The following ARHGAP45 variants were observed in gnomAD, a reference collection of about 807,000 sequenced individuals.
ARHGAP45 encodes the protein rho GTPase-activating protein 45.
In ARHGAP45, 56 loss-of-function variants were observed where a neutral mutation model predicts 116.1. The ratio of observed to expected loss-of-function variants is 0.48; its 90% CI spans 0.39 to 0.60. The LOEUF is 0.60. Ranked by LOEUF, ARHGAP45 falls within the 20% of genes least tolerant of loss-of-function variation. The pLI is 0.00. For missense variants in ARHGAP45, 1,622 were observed against 1,601.0 expected (o/e 1.01, Z -0.22); for synonymous variants, 866 against 701.7 (o/e 1.23, Z -3.70).
intron 2 of ARHGAP45, among the ~76,000 whole-genome samples, chr19:1,070,329 C>CTTTTTTTTTTTTTTTTTT (rs1172163710): frequency 3.2e-5 from 3 of 93,270 alleles, no homozygotes; most frequent in Non-Finnish European, 4.2e-5. Context: ...CTTTTCTTTT[C>CTTTTTTTTTTTTTTTTTT]TTTTTTTTTT....
In ARHGAP45 at chr19:1,086,611, A is replaced by C. The variant is rs2043669192; in HGVS notation, c.*605A>C. The C allele has an allele frequency of 6.6e-6, 1 of 151,818 alleles. No homozygotes were observed. The highest frequency in any genetic ancestry group is 6.6e-5 in the Admixed American group (1 of 15,252). The allele number at this position is 151,818 out of a possible 1,614,324, so 9.4% of individuals were successfully genotyped here. ...ACAGGCACGTTTATTTTGCTGAAATAAAAAGTTTTTAATCGGGTGTTTTCT... is the reference window on the plus strand; with the variant it reads ...ACAGGCACGTTTATTTTGCTGAAATCAAAAGTTTTTAATCGGGTGTTTTCT... On this transcript the variant is annotated 3_prime_UTR_variant, in exon 23 of 23. Coordinates refer to ENST00000313093, the MANE Select transcript of ARHGAP45 (RefSeq NM_012292.5).
Position 1,073,583 on chromosome 19 carries a change from A to G in ARHGAP45, c.643A>G (p.Ser215Gly). 6.2e-7 allele frequency: 1 copy of G among 1,613,934 alleles called. No homozygotes were observed. The highest frequency in any genetic ancestry group is 8.5e-7 in the Non-Finnish European group (1 of 1,179,908). ...KALETIAVAF[S>G]STVSEFLMGE... The stretch of plus-strand genomic sequence containing the variant: ...CCTGGAGACGATTGCTGTGGCCTTC[A>G]GTAGCACGTGAGCACGGGAGCCTGT... The change falls in exon 4 of 23, where the codon AGT (serine) becomes GGT (glycine). Residue 215 changes from serine (S) to glycine (G), a missense_variant. Ser to Gly is a moderately conservative substitution (Grantham distance 56). Coordinates refer to ENST00000313093, the MANE Select transcript of ARHGAP45 (RefSeq NM_012292.5).
intron 1 of ARHGAP45, 164 bp downstream of exon 1, chr19:1,067,659 C>T (rs1383291373): frequency 1.1e-5 from 8 of 744,114 alleles, no homozygotes; most frequent in Admixed American, 8.0e-5. Context: ...GCCGGGACCC[C>T]GGCATTCAGC....
rs1297265157 is a variant in ARHGAP45, at chr19:1,071,730, G to C, written c.422-1419G>C. On this transcript the variant is annotated intron_variant, in intron 2 of 22. Transcript: ENST00000313093. The surrounding 1 kb of genome is among the most constrained non-coding windows in gnomAD (Gnocchi z 4.6). ...TGTTCCGGTCCGGGGTCTCAGGCCCGGCGGCGGCCAGCGGGGTATCTCTGG... is the reference window on the plus strand; with the variant it reads ...TGTTCCGGTCCGGGGTCTCAGGCCCCGCGGCGGCCAGCGGGGTATCTCTGG... The C allele has an allele frequency of 1.3e-5, 2 of 152,226 alleles. No homozygotes were observed. The highest frequency in any genetic ancestry group is 6.6e-5 in the Admixed American group (1 of 15,264). The allele number at this position is 152,226 out of a possible 1,614,324, so 9.4% of individuals were successfully genotyped here. A position where few individuals can be genotyped will look rare whatever the true frequency, so the allele number is the denominator to read the frequency against.
At chr19:1,067,786 C>T (rs2043066590) in intron 1 of ARHGAP45, 3 of 629,426 alleles carry the variant, frequency 4.8e-6, no homozygotes, top group South Asian at 1.7e-5. Flanking sequence ...GTGTTTGGGC[C>T]GCTGCAGGTT....
intron 22 of ARHGAP45, among the ~76,000 whole-genome samples, chr19:1,085,300 GC>G (rs1233094252): frequency 2.6e-5 from 4 of 152,076 alleles, no homozygotes; most frequent in African/African-American, 9.7e-5. Context: ...CATGAGAACA[GC>G]CCAGGAAAGA....
chr19:1,070,800 C>A (rs2043125732), intron 2 of ARHGAP45, among the ~76,000 whole-genome samples: 1 of 152,152 alleles, frequency 6.6e-6, no homozygotes. Flanking sequence ...GCCTTCTGTG[C>A]GTCTCGGGGC....
Position 1,071,850 on chromosome 19 carries a change from C to G in ARHGAP45, c.422-1299C>G, listed in dbSNP as rs781425340. On this transcript the variant is annotated intron_variant, in intron 2 of 22. Transcript: ENST00000313093. This position sits in a 1 kb window ranked among gnomAD's most constrained non-coding sequence, Gnocchi z 4.6. ...GCACTTACTTTTTCAGATTTCATTT[C>G]GTATTTGGGGCATCCTCTGAGCGGT... 6.6e-6 allele frequency: 1 copy of G among 152,124 alleles called. No individual in the cohort carries two copies. The highest frequency in any genetic ancestry group is 1.9e-4 in the East Asian group (1 of 5,192). 9.4% of individuals were successfully genotyped at this position (152,124 alleles called of 1,614,324 possible). A position where few individuals can be genotyped will look rare whatever the true frequency, so the allele number is the denominator to read the frequency against.
At chr19:1,081,194 GCGAA>G (rs2043423908) in intron 17 of ARHGAP45, 130 bp downstream of exon 17, 3 of 1,076,240 alleles carry the variant, frequency 2.8e-6, no homozygotes, top group Non-Finnish European at 3.9e-6. Flanking sequence ...TTGGAAGGAA[GCGAA>G]CGGAGGGGGT....
In ARHGAP45 at chr19:1,076,147, T is replaced by C. The variant is rs145137137; in HGVS notation, c.1185+1268T>C. Among the ~76,000 whole-genome samples the C allele has an allele frequency of 3.4e-3, 523 of 152,292 alleles. 3 individuals carry two copies. Among genetic ancestry groups the C allele is most frequent in the African/African-American group, 0.012 (501 of 41,562 alleles). On this transcript the variant is annotated intron_variant, in intron 10 of 22. Coordinates refer to ENST00000313093, the MANE Select transcript of ARHGAP45 (RefSeq NM_012292.5). ...CATTGCTATGACAAGCTTGTGCCCC[T>C]GTCTCAAGGATGCCTGAGGGATCAG...
Position 1,085,940 on chromosome 19 carries a change from C to A in ARHGAP45, c.3345C>A (p.Pro1115=). The A allele has an allele frequency of 1.2e-6, 2 of 1,613,000 alleles. No individual in the cohort carries two copies. The highest frequency in any genetic ancestry group is 1.7e-6 in the Non-Finnish European group (2 of 1,179,962). Residue 1115 remains proline (P), a synonymous_variant, in exon 23 of 23, where the codon CCC becomes CCA. Coordinates refer to ENST00000313093, the MANE Select transcript of ARHGAP45 (RefSeq NM_012292.5). The stretch of plus-strand genomic sequence containing the variant: ...ACGTGCTGCAGGCCCCACTGCCCCC[C>A]ATGAGGCTCCGTGGCGGGCGGATGA... The part of the protein sequence containing the change: ...SNNVLQAPLP[P]MRLRGGRMTL...
intron 11 of ARHGAP45, among the ~76,000 whole-genome samples, chr19:1,078,654 C>T (rs2043337731): frequency 6.6e-6 from 1 of 151,200 alleles, no homozygotes; most frequent in Non-Finnish European, 1.5e-5. Flanking sequence ...CATGATCCAC[C>T]CACTTCGGCC....
chr19:1,071,223 G>A lies in ARHGAP45; in HGVS notation c.422-1926G>A. The A allele has an allele frequency of 6.9e-7, 1 of 1,447,570 alleles. No homozygotes were observed. The highest frequency in any genetic ancestry group is 9.1e-7 in the Non-Finnish European group (1 of 1,102,628). The allele number at this position is 1,447,570 out of a possible 1,614,324, so 89.7% of individuals were successfully genotyped here. ...CCGGCCGGAGCCGGTTTGGCCACCG[G>A]AGACCCCCATCGGTCAGCTGCCAGG... is the stretch of plus-strand genomic sequence containing the variant. On this transcript the variant is annotated intron_variant, in intron 2 of 22. Transcript: ENST00000313093. This position sits in a 1 kb window ranked among gnomAD's most constrained non-coding sequence, Gnocchi z 4.6.
chr19:1,073,754 G>A lies in ARHGAP45; in HGVS notation c.723+8G>A, dbSNP rs1190727512. 7 of 1,577,474 alleles carry A rather than the reference G, an allele frequency of 4.4e-6. No homozygotes were observed. The highest frequency in any genetic ancestry group is 6.0e-6 in the Non-Finnish European group (7 of 1,161,002). On this transcript the variant is annotated splice_region_variant and intron_variant, in intron 5 of 22. Coordinates refer to ENST00000313093, the MANE Select transcript of ARHGAP45 (RefSeq NM_012292.5). Reference sequence around the variant, plus strand: ...CCTGGGGACTCGAGCCAGGTGAGTGGGGTGGGCCAGGGCCACCTGTGTCCA... The same window carrying A: ...CCTGGGGACTCGAGCCAGGTGAGTGAGGTGGGCCAGGGCCACCTGTGTCCA...
chr19:1,074,114 C>G lies in ARHGAP45; in HGVS notation c.801C>G (p.Pro267=). Residue 267 remains proline, a synonymous_variant, in exon 7 of 23, where the codon CCC becomes CCG. Transcript: ENST00000313093. ...CCCCGTTCCCTGCAGGCTGCCTGCC[C>G]GCCGAGGAGGTGGACGTGCTGCTAC... is the stretch of plus-strand genomic sequence containing the variant. ...SLEDCDAGCL[P]AEEVDVLLQR... 2 of 1,612,178 alleles carry G rather than the reference C, an allele frequency of 1.2e-6. No homozygotes were observed. The highest frequency in any genetic ancestry group is 1.7e-6 in the Non-Finnish European group (2 of 1,179,434).
chr19:1,082,784 A>C, intron 19 of ARHGAP45, 56 bp from the exon 20 acceptor site: 1 of 1,387,222 alleles, frequency 7.2e-7, no homozygotes, highest in African/African-American at 1.5e-5. Flanking sequence ...CGTGGCAGGC[A>C]CACGTGGGGG....
intron 14 of ARHGAP45, 31 bp downstream of exon 14, chr19:1,080,410 G>T: frequency 6.2e-7 from 1 of 1,609,222 alleles, no homozygotes; most frequent in Non-Finnish European, 8.5e-7. Flanking sequence ...AGGGGCGGAC[G>T]CTGGCTCCCT....
intron 10 of ARHGAP45, chr19:1,077,551 T>G: frequency 1.8e-6 from 2 of 1,105,396 alleles, no homozygotes; most frequent in African/African-American, 1.6e-5. Flanking sequence ...GCCCGGCTAA[T>G]TGTTTTAAAT....
chr19:1,081,720 G>A lies in ARHGAP45; in HGVS notation c.2361G>A (p.Arg787=), dbSNP rs779435916. The A allele has an allele frequency of 1.9e-6, 3 of 1,570,790 alleles. No individual in the cohort carries two copies. The highest frequency in any genetic ancestry group is 1.3e-5 in the African/African-American group (1 of 74,134). ...IVKKCVCEIE[R]RALRTKGIYR... ...AGAAGTGCGTCTGCGAGATCGAGCGGCGGGCGCTGCGCACCAAGGTGAGGC... is the reference window on the plus strand; with the variant it reads ...AGAAGTGCGTCTGCGAGATCGAGCGACGGGCGCTGCGCACCAAGGTGAGGC... Residue 787 remains arginine (R), a synonymous_variant, in exon 18 of 23, where the codon CGG becomes CGA. Coordinates refer to ENST00000313093, the MANE Select transcript of ARHGAP45 (RefSeq NM_012292.5).
Sources: allele counts gnomAD v4.1 joint callset (sites outside exome capture counted in the v4.1 genomes callset), GRCh38; gene constraint gnomAD v4.1.1; non-coding constraint Gnocchi (gnomAD v3.1); transcripts MANE v1.5; gene names NCBI Gene and HGNC (gene_info 2026-07-23, HGNC 2026-07-21).